The following ZNF337 variants were observed in gnomAD, a reference collection of about 807,000 sequenced individuals.
ZNF337 encodes zinc finger protein 337.
Under a neutral mutation model 12.1 loss-of-function variants are expected in ZNF337, and 8 were observed. The observed-to-expected ratio is 0.66, with a 90% CI of 0.39 to 1.19. The LOEUF is 1.19. Among genes scored for constraint, ZNF337 ranks in the 50% most tolerant of loss-of-function variants. The pLI is 0.01. For missense variants in ZNF337, 882 were observed against 896.6 expected (o/e 0.98, Z 0.21); for synonymous variants, 336 against 320.0 (o/e 1.05, Z -0.53).
In ZNF337 at chr20:25,675,501, CCT is replaced by C. The variant is rs770978285; in HGVS notation, c.1785_1786del (p.Lys598AlafsTer5). The C allele has an allele frequency of 1.3e-5, 21 of 1,614,082 alleles. No homozygotes were observed. Among genetic ancestry groups the C allele is most frequent in the Middle Eastern group, 1.6e-4 (1 of 6,062 alleles). On this transcript the variant is annotated frameshift_variant, in exon 5 of 5. Coordinates refer to ENST00000252979, the MANE Select transcript of ZNF337 (RefSeq NM_015655.4). LOFTEE classifies it low-confidence loss of function (END_TRUNC). ...TTCACTACAGATGAAAGGCTTCTCCCCTGAGTGTGTCTTCTGGTGGAAGAGGA... is the reference window on the plus strand; with the variant it reads ...TTCACTACAGATGAAAGGCTTCTCCCGAGTGTGTCTTCTGGTGGAAGAGGA...
intron 1 of ZNF337, among the ~76,000 whole-genome samples, chr20:25,694,905 A>G (rs2065907837): frequency 6.6e-6 from 1 of 152,156 alleles, no homozygotes; most frequent in Non-Finnish European, 1.5e-5. Context: ...TTAGTGGGAA[A>G]ATTTGCATCT....
intron 1 of ZNF337, among the ~76,000 whole-genome samples, chr20:25,694,998 C>T (rs892071317): frequency 1.6e-4 from 24 of 152,122 alleles, no homozygotes; most frequent in Middle Eastern, 3.2e-3. Context: ...GCCTGACGCG[C>T]GGTGGCTCAC....
chr20:25,674,832 T>C lies in ZNF337; in HGVS notation c.*200A>G. On this transcript the variant is annotated 3_prime_UTR_variant, in exon 5 of 5. Coordinates refer to ENST00000252979, the MANE Select transcript of ZNF337 (RefSeq NM_015655.4). ...GGTAATGCCCTCCCCTCAACTGGCA[T>C]CTCTGTTCCCTAAACATTGACCTCT... 1.7e-6 allele frequency: 1 copy of C among 597,612 alleles called. No individual in the cohort carries two copies. Among genetic ancestry groups the C allele is most frequent in the Non-Finnish European group, 2.9e-6 (1 of 339,226 alleles). 37.0% of individuals were successfully genotyped at this position (597,612 alleles called of 1,614,324 possible).
At position 25,676,129 on chromosome 20, in the gene ZNF337, C is replaced by T. The variant is rs771037581; in HGVS notation, c.1159G>A (p.Val387Met). The change falls in exon 5 of 5, where the codon GTG becomes ATG. Residue 387 changes from valine (V) to methionine (M), a missense_variant. Transcript: ENST00000252979. ...ACRQCKQSFSVKGSLLRHQRT... is the reference protein window; with the variant it reads ...ACRQCKQSFSMKGSLLRHQRT... The stretch of plus-strand genomic sequence containing the variant: ...TGGTGTCTGAGGAGACTTCCTTTCA[C>T]GCTAAAACTTTGCTTACACTGCCTG... 5.1e-5 allele frequency: 82 copies of T among 1,610,632 alleles called. No individual in the cohort carries two copies. Among genetic ancestry groups the T allele is most frequent in the South Asian group, 2.9e-4 (26 of 90,716 alleles).
rs1569013033 is a variant in ZNF337, at chr20:25,685,575, GGGCCT to G, written c.237_241del (p.Gly80LeufsTer29). The G allele has an allele frequency of 6.2e-7, 1 of 1,614,032 alleles. No individual in the cohort carries two copies. The highest frequency in any genetic ancestry group is 1.1e-5 in the South Asian group (1 of 91,078). ...CCTGTCTATCCCCTCACCTGCACAGGGGCCTGGCCGGCGTCTTCTCTCTTCTCCCC... is the reference window on the plus strand; with the variant it reads ...CCTGTCTATCCCCTCACCTGCACAGGGGCCGGCGTCTTCTCTCTTCTCCCC... On this transcript the variant is annotated frameshift_variant, in exon 4 of 5. Transcript: ENST00000252979. LOFTEE classifies it low-confidence loss of function (END_TRUNC).
At chr20:25,682,872 T>A (rs1298614324) in intron 4 of ZNF337, among the ~76,000 whole-genome samples, 1 of 152,034 alleles carries the variant, frequency 6.6e-6, no homozygotes, top group East Asian at 1.9e-4. Context: ...AATCTTTGTA[T>A]CTTTATAAAC....
Position 25,685,673 on chromosome 20 carries a change from G to A in ZNF337, c.155-11C>T, listed in dbSNP as rs768265712. The A allele has an allele frequency of 6.8e-6, 11 of 1,611,478 alleles. No homozygotes were observed. The highest frequency in any genetic ancestry group is 4.4e-5 in the South Asian group (4 of 90,964). Reference sequence around the variant, plus strand: ...TAGAATGGAGAATTCCTGCTCACAGGGAAAAAAACCATGAGGTGACTCCTG... The same window carrying A: ...TAGAATGGAGAATTCCTGCTCACAGAGAAAAAAACCATGAGGTGACTCCTG... On this transcript the variant is annotated splice_polypyrimidine_tract_variant and intron_variant, in intron 3 of 4. Transcript: ENST00000252979.
At position 25,675,333 on chromosome 20, in the gene ZNF337, CCT is replaced by C. The variant is rs756131441; in HGVS notation, c.1953_1954del (p.Lys654AlafsTer5). 2.5e-5 allele frequency: 40 copies of C among 1,614,192 alleles called. No individual in the cohort carries two copies. Among genetic ancestry groups the C allele is most frequent in the Middle Eastern group, 1.6e-4 (1 of 6,062 alleles). On this transcript the variant is annotated frameshift_variant, in exon 5 of 5. Transcript: ENST00000252979. LOFTEE classifies it low-confidence loss of function (END_TRUNC). Reference sequence around the variant, plus strand: ...CACATTACACACGAAGGGCTTCTCCCCTGAGTGTGTCCTCTGGTGTGTGAGGA... The same window carrying C: ...CACATTACACACGAAGGGCTTCTCCCGAGTGTGTCCTCTGGTGTGTGAGGA...
At chr20:25,693,353 A>T (rs978408218) in intron 1 of ZNF337, among the ~76,000 whole-genome samples, 1 of 152,222 alleles carries the variant, frequency 6.6e-6, no homozygotes, top group South Asian at 2.1e-4. Context: ...CTGGGATTAC[A>T]GGTATGGGCC....
rs753914157 is a variant in ZNF337, at chr20:25,676,093, A to G, written c.1195T>C (p.Ser399Pro). 2 of 1,613,854 alleles carry G rather than the reference A, an allele frequency of 1.2e-6. No individual in the cohort carries two copies. Among genetic ancestry groups the G allele is most frequent in the South Asian group, 1.1e-5 (1 of 91,062 alleles). ...GSLLRHQRTH[S>P]GEKPFVCKDC... ...TTGCACACAAAAGGCTTCTCCCCTG[A>G]GTGTGTTCTCTGGTGTCTGAGGAGA... Residue 399 changes from serine (S) to proline (P), a missense_variant, in exon 5 of 5, where the codon TCA becomes CCA. Transcript: ENST00000252979.
intron 1 of ZNF337, among the ~76,000 whole-genome samples, chr20:25,687,755 T>C (rs1462796746): frequency 6.6e-6 from 1 of 152,268 alleles, no homozygotes; most frequent in Non-Finnish European, 1.5e-5. Context: ...CCGTATCTTA[T>C]GTAAAGTGCT....
At chr20:25,696,553 C>A (rs1477785825) in intron 1 of ZNF337, among the ~76,000 whole-genome samples, 1 of 152,244 alleles carries the variant, frequency 6.6e-6, no homozygotes, top group East Asian at 1.9e-4. Context: ...GCGGCCCAGA[C>A]CCGGGGCGCT....
At chr20:25,678,367 G>A (rs59934724) in intron 4 of ZNF337, among the ~76,000 whole-genome samples, 3,522 of 152,146 alleles carry the variant, frequency 0.023, 123 homozygotes, top group African/African-American at 0.079. Context: ...ATAAATAGAC[G>A]AGGACACAAA....
intron 4 of ZNF337, chr20:25,681,265 C>T (rs1049432231): frequency 6.6e-6 from 1 of 152,150 alleles, no homozygotes; most frequent in African/African-American, 2.4e-5. Context: ...TATGATATTT[C>T]GTCATTTCTA....
intron 1 of ZNF337, among the ~76,000 whole-genome samples, chr20:25,690,612 G>A (rs1366788062): frequency 6.6e-6 from 1 of 152,188 alleles, no homozygotes; most frequent in Non-Finnish European, 1.5e-5. Flanking sequence ...TGGCAAAGAT[G>A]CAGACAGATT....
At chr20:25,689,445 G>A (rs2065865766) in intron 1 of ZNF337, among the ~76,000 whole-genome samples, 5 of 152,084 alleles carry the variant, frequency 3.3e-5, no homozygotes, top group Admixed American at 2.6e-4. Flanking sequence ...CCATATTTTG[G>A]TGAGAATTCT....
rs1420492433 is a variant in ZNF337 at position 25,687,155 on chromosome 20, CCCTT to C, written c.-49-693_-49-690del. On this transcript the variant is annotated intron_variant, in intron 1 of 4. Transcript: ENST00000252979. Reference sequence around the variant, plus strand: ...GTATTTTGGGTTTTAAAAACATGAGCCCTTCCTTGTATACAAACTTTTGGAACAT... The same window carrying C: ...GTATTTTGGGTTTTAAAAACATGAGCCCTTGTATACAAACTTTTGGAACAT... 7.2e-5 allele frequency among the ~76,000 whole-genome samples: 11 copies of C among 152,222 alleles called. No homozygotes were observed. The East Asian group carries it at 2.1e-3, about 29-fold the overall frequency.
At chr20:25,696,201 A>G (rs1393967720) in intron 1 of ZNF337, among the ~76,000 whole-genome samples, 1 of 151,040 alleles carries the variant, frequency 6.6e-6, no homozygotes, top group Non-Finnish European at 1.5e-5. Flanking sequence ...CCCAACCCAA[A>G]GCAGCGGCCC....
rs2065830821 is a variant in ZNF337 at position 25,686,121 on chromosome 20, G to A, written c.29C>T (p.Ala10Val). Residue 10 changes from alanine to valine, a missense_variant and splice_region_variant, in exon 3 of 5, where the codon GCT becomes GTT. Ala to Val is a moderately conservative substitution (Grantham distance 64, BLOSUM62 0). Transcript: ENST00000252979. The stretch of plus-strand genomic sequence containing the variant: ...AGTGACATCCCCAAATGCCAAGAAA[G>A]CCTGTAACACAAAACCCAGGCATGC... MGPQGARRQ[A>V]FLAFGDVTVD... 2 of 1,613,896 alleles carry A rather than the reference G, an allele frequency of 1.2e-6. No individual in the cohort carries two copies. Among genetic ancestry groups the A allele is most frequent in the African/African-American group, 1.3e-5 (1 of 75,012 alleles).
Sources: gnomAD v4.1 joint callset for allele counts (sites outside exome capture counted in the v4.1 genomes callset) on GRCh38, gnomAD v4.1.1 for gene constraint, MANE v1.5 for transcripts, NCBI Gene and HGNC (gene_info 2026-07-23, HGNC 2026-07-21) for gene names.